Variants in MARK3 observed in about 807,000 individuals in gnomAD.
The protein encoded by MARK3 is microtubule affinity regulating kinase 3.
A neutral mutation model predicts 90.1 loss-of-function variants in MARK3; 46 were observed. The ratio of observed to expected loss-of-function variants is 0.51; its 90% CI spans 0.40 to 0.65. The LOEUF (loss-of-function observed/expected upper bound fraction) is 0.65. Ranked by LOEUF, MARK3 falls within the 30% of genes least tolerant of loss-of-function variation. The pLI, the probability that MARK3 is intolerant of heterozygous loss-of-function variation, is 0.00. For missense variants in MARK3, 818 were observed against 947.2 expected, an observed-to-expected ratio of 0.86 and a Z score of 1.79; for synonymous variants, 321 against 332.6, an observed-to-expected ratio of 0.97 and a Z score of 0.38.
intron 2 of MARK3, among the ~76,000 whole-genome samples, chr14:103,411,053 T>A (rs779587175): frequency 6.6e-6 from 1 of 152,160 alleles, no homozygotes; most frequent in Non-Finnish European, 1.5e-5. Flanking sequence ...GGTGGGTGGA[T>A]CACGAGGTCA....
intron 3 of MARK3, among the ~76,000 whole-genome samples, chr14:103,443,261 T>C (rs1391378467): frequency 6.6e-6 from 1 of 152,224 alleles, no homozygotes; most frequent in African/African-American, 2.4e-5. Flanking sequence ...TTGAATTCTT[T>C]GAGATCTACT....
chr14:103,399,345 A>G (rs1014953821), intron 1 of MARK3, among the ~76,000 whole-genome samples: 2 of 152,138 alleles, frequency 1.3e-5, no homozygotes, highest in Admixed American at 1.3e-4. Flanking sequence ...CTATGTCAGT[A>G]GTGCTTTGGC....
chr14:103,393,746 G>C (rs2090412051), intron 1 of MARK3, among the ~76,000 whole-genome samples: 1 of 147,430 alleles, frequency 6.8e-6, no homozygotes, highest in Admixed American at 6.9e-5. Context: ...AAAGAGGATT[G>C]TTCTGCATTT....
intron 4 of MARK3, 129 bp downstream of exon 4, chr14:103,449,096 TTTGTA>T (rs2093067369): frequency 9.3e-7 from 1 of 1,074,510 alleles, no homozygotes; most frequent in Admixed American, 3.0e-5. Context: ...TTGTTGATCA[TTTGTA>T]TTAGCTTTTT....
intron 5 of MARK3, among the ~76,000 whole-genome samples, chr14:103,452,762 C>A (rs1009595219): frequency 6.6e-6 from 1 of 152,130 alleles, no homozygotes; most frequent in Non-Finnish European, 1.5e-5. Context: ...TGAGCCACCG[C>A]GCCCGGCCAG....
chr14:103,494,877 T>A (rs1313930674), intron 15 of MARK3, among the ~76,000 whole-genome samples: 2 of 152,140 alleles, frequency 1.3e-5, no homozygotes, highest in African/African-American at 4.8e-5. Flanking sequence ...CCTCAAGTGA[T>A]CCACCGCGCC....
chr14:103,464,062 C>T (rs1436802954), intron 7 of MARK3, among the ~76,000 whole-genome samples: 1 of 152,162 alleles, frequency 6.6e-6, no homozygotes, highest in African/African-American at 2.4e-5. Context: ...ATCTGGGAAG[C>T]CATTCACACC....
intron 2 of MARK3, among the ~76,000 whole-genome samples, chr14:103,405,787 C>T (rs1442259571): frequency 6.2e-5 from 9 of 144,276 alleles, no homozygotes; most frequent in South Asian, 2.2e-4. Flanking sequence ...TTTGTAGAGA[C>T]GGGGTTTCAC....
At chr14:103,484,403 C>G (rs1325848446) in intron 14 of MARK3, among the ~76,000 whole-genome samples, 1 of 152,130 alleles carries the variant, frequency 6.6e-6, no homozygotes, top group Non-Finnish European at 1.5e-5. Context: ...AAATTCCTGA[C>G]TTCAAGTGAT....
chr14:103,450,875 A>AGAGT lies in MARK3; in HGVS notation c.347-1042_347-1041insAGTG, dbSNP rs1555389259. ...GGATTTACTCCAGTTTCATTTTTAA[A>AGAGT]GTGTGTGTGTGTGTGTGTGTGTGTG... is the stretch of plus-strand genomic sequence containing the variant. On this transcript the variant is annotated intron_variant, in intron 4 of 17. Coordinates refer to ENST00000429436, the MANE Select transcript of MARK3 (RefSeq NM_001128918.3). Among the ~76,000 whole-genome samples, 11 of 114,880 alleles carry AGAGT rather than the reference A, an allele frequency of 9.6e-5. No homozygotes were observed. The Admixed American group carries it at 9.9e-4, about 10-fold the overall frequency. The allele number at this position is 114,880 out of a possible 152,430, so 75.4% of individuals were successfully genotyped here.
intron 14 of MARK3, among the ~76,000 whole-genome samples, chr14:103,488,067 T>C (rs12435516): frequency 0.34 from 51,899 of 151,634 alleles, 9,382 homozygotes; most frequent in East Asian, 0.5. Context: ...ATAAATAACA[T>C]TTGTGTGCAT....
chr14:103,389,642 G>A (rs1281376716), intron 1 of MARK3, among the ~76,000 whole-genome samples: 1 of 150,836 alleles, frequency 6.6e-6, no homozygotes, highest in Non-Finnish European at 1.5e-5. Flanking sequence ...TAGTGAATGG[G>A]TATATAAAAG....
chr14:103,402,488 G>T (rs2091022560), intron 1 of MARK3, among the ~76,000 whole-genome samples: 1 of 151,424 alleles, frequency 6.6e-6, no homozygotes, highest in South Asian at 2.1e-4. Flanking sequence ...GGAGGCGGAG[G>T]TTGCAGTGAG....
intron 3 of MARK3, among the ~76,000 whole-genome samples, chr14:103,436,823 C>T (rs968470740): frequency 6.6e-6 from 1 of 152,136 alleles, no homozygotes; most frequent in Non-Finnish European, 1.5e-5. Flanking sequence ...GGCACGGTGG[C>T]TCACTCCTGT....
At chr14:103,446,478 T>G (rs983418886) in intron 3 of MARK3, among the ~76,000 whole-genome samples, 5 of 152,078 alleles carry the variant, frequency 3.3e-5, no homozygotes, top group Non-Finnish European at 7.4e-5. Context: ...GCCGATATTG[T>G]GCCACTGCAT....
intron 1 of MARK3, 106 bp downstream of exon 1, chr14:103,386,186 T>TA: frequency 9.1e-7 from 1 of 1,103,562 alleles, no homozygotes; most frequent in Non-Finnish European, 1.4e-6. Context: ...GCTCTGGAAA[T>TA]AGAGGGCAGG....
At chr14:103,487,342 T>C (rs1383556525) in intron 14 of MARK3, among the ~76,000 whole-genome samples, 2 of 151,810 alleles carry the variant, frequency 1.3e-5, no homozygotes, top group Non-Finnish European at 2.9e-5. Flanking sequence ...TTTTTTTTAA[T>C]TTATAATGAG....
chr14:103,498,178 C>T (rs1378488063), intron 15 of MARK3, among the ~76,000 whole-genome samples: 2 of 150,244 alleles, frequency 1.3e-5, no homozygotes, highest in Non-Finnish European at 2.9e-5. Flanking sequence ...GATTGCACCA[C>T]TGCACTGTGA....
At chr14:103,491,036 C>T (rs2094007063) in intron 14 of MARK3, 5 of 1,288,430 alleles carry the variant, frequency 3.9e-6, no homozygotes, top group South Asian at 1.2e-5. Context: ...AGTCGATGTC[C>T]ATGTCAGCCT....
Sources: gnomAD v4.1 joint callset for allele counts (sites outside exome capture counted in the v4.1 genomes callset) on GRCh38, gnomAD v4.1.1 for gene constraint, MANE v1.5 for transcripts, NCBI Gene and HGNC (gene_info 2026-07-23, HGNC 2026-07-21) for gene names.